TJP1: variants seen among roughly 807,000 people sequenced by gnomAD.
TJP1 encodes tight junction protein 1.
Under a neutral mutation model 194.2 loss-of-function variants are expected in TJP1, and 43 were observed. The ratio of observed to expected loss-of-function variants is 0.22; its 90% CI spans 0.17 to 0.29. TJP1 has a LOEUF of 0.29. Ranked by LOEUF, TJP1 falls within the 10% of genes least tolerant of loss-of-function variation. The pLI is 1.00. For missense variants in TJP1, 1,971 were observed against 2,185.7 expected (o/e 0.90, Z 1.96); for synonymous variants, 801 against 779.0 (o/e 1.03, Z -0.47).
intron 1 of TJP1, among the ~76,000 whole-genome samples, chr15:29,815,360 A>T (rs1003211329): frequency 6.6e-5 from 10 of 152,254 alleles, no homozygotes; most frequent in Non-Finnish European, 1.2e-4. Flanking sequence ...TGTTAAAGTA[A>T]AAAGGTTTTT....
chr15:29,704,141 G>C, intron 27 of TJP1, 21 bp downstream of exon 27: 1 of 1,549,896 alleles, frequency 6.5e-7, no homozygotes, highest in East Asian at 2.4e-5. Flanking sequence ...GCTCCCAAAG[G>C]ACAGAGTGAA....
At chr15:29,914,998 G>T (rs982336634) in intron 2 of TJP1, among the ~76,000 whole-genome samples, 5 of 152,074 alleles carry the variant, frequency 3.3e-5, no homozygotes, top group Admixed American at 3.3e-4. Flanking sequence ...ACAAATGACT[G>T]CAAAAAAACT....
At chr15:29,902,199 A>G (rs1415812857) in intron 2 of TJP1, among the ~76,000 whole-genome samples, 2 of 152,172 alleles carry the variant, frequency 1.3e-5, no homozygotes, top group East Asian at 1.9e-4. Context: ...GGAAAATTAA[A>G]AACTAACAGA....
At chr15:29,721,297 A>G (rs2042914356) in intron 18 of TJP1, among the ~76,000 whole-genome samples, 1 of 152,084 alleles carries the variant, frequency 6.6e-6, no homozygotes. Flanking sequence ...GGTGGTTTCT[A>G]ATGGTTTAGC....
At chr15:29,776,976 T>C (rs1429429858) in intron 2 of TJP1, among the ~76,000 whole-genome samples, 1 of 152,168 alleles carries the variant, frequency 6.6e-6, no homozygotes, top group African/African-American at 2.4e-5. Context: ...TGGATAACCA[T>C]ACATTCCTTC....
chr15:29,948,260 CAAA>C (rs35983966), intron 2 of TJP1, among the ~76,000 whole-genome samples: 14 of 95,294 alleles, frequency 1.5e-4, no homozygotes, highest in East Asian at 2.6e-4. Context: ...CACTCCATCA[CAAA>C]AAAAAAAAAA....
intron 1 of TJP1, chr15:29,820,650 T>C (rs2050270155): frequency 4.3e-6 from 3 of 697,374 alleles, no homozygotes; most frequent in South Asian, 3.1e-5. Flanking sequence ...ACATTCTGTG[T>C]AATACGGAAA....
chr15:29,966,094 T>C lies in TJP1; in HGVS notation c.173+2573A>G, dbSNP rs571003107. On this transcript the variant is annotated intron_variant, in intron 1 of 28. Coordinates refer to the TJP1 transcript ENST00000356107. ...GAAATTCTGTGTTTAGAGAATGTGT[T>C]TTCAGAAGCAGAACCCCAATGATGG... is the stretch of plus-strand genomic sequence containing the variant. Among the ~76,000 whole-genome samples, 264 of 152,338 alleles carry C rather than the reference T, an allele frequency of 1.7e-3. 3 individuals carry two copies. Among genetic ancestry groups the C allele is most frequent in the Non-Finnish European group, 2.5e-3 (172 of 68,038 alleles).
At chr15:29,802,727 C>A (rs374226267) in intron 1 of TJP1, among the ~76,000 whole-genome samples, 1 of 152,248 alleles carries the variant, frequency 6.6e-6, no homozygotes, top group South Asian at 2.1e-4. Context: ...GCCAGTTTGT[C>A]CAATCTCAGC....
intron 2 of TJP1, among the ~76,000 whole-genome samples, chr15:29,874,684 T>A (rs755982225): frequency 5.3e-5 from 8 of 152,174 alleles, no homozygotes; most frequent in African/African-American, 7.2e-5. Flanking sequence ...TTTAAAAAAA[T>A]TTAGAAATTT....
At position 29,916,240 on chromosome 15, in the gene TJP1, C is replaced by CAAA. The variant is rs199907379; in HGVS notation, c.306+39989_306+39991dup. On this transcript the variant is annotated intron_variant, in intron 2 of 28. Transcript: ENST00000356107. ...GTGCGACAAGAGCAAGACTCTGTCT[C>CAAA]AAAAAAAAAAAAAAAAAAAGATCAT... 6.3e-3 allele frequency among the ~76,000 whole-genome samples: 607 copies of CAAA among 96,546 alleles called. 9 individuals are homozygous for CAAA. Among genetic ancestry groups the CAAA allele is most frequent in the African/African-American group, 0.018 (578 of 31,586 alleles). 63.3% of individuals were successfully genotyped at this position (96,546 alleles called of 152,430 possible). A position where few individuals can be genotyped will look rare whatever the true frequency, so the allele number is the denominator to read the frequency against.
intron 2 of TJP1, among the ~76,000 whole-genome samples, chr15:29,837,867 C>G (rs1342650815): frequency 6.6e-6 from 1 of 152,152 alleles, no homozygotes; most frequent in East Asian, 1.9e-4. Flanking sequence ...CTCAAGCGCA[C>G]AATACACTGA....
chr15:29,732,846 G>T, intron 13 of TJP1, 31 bp from the exon 14 acceptor site: 1 of 1,544,634 alleles, frequency 6.5e-7, no homozygotes, highest in Non-Finnish European at 8.7e-7. Flanking sequence ...TTAAAATAAG[G>T]GCATTTAAAA....
At chr15:29,949,402 C>T (rs1477394154) in intron 2 of TJP1, among the ~76,000 whole-genome samples, 9 of 139,276 alleles carry the variant, frequency 6.5e-5, no homozygotes, top group Non-Finnish European at 1.4e-4. Context: ...CCACCACCTC[C>T]ACAACCACCA....
chr15:29,949,670 A>G (rs1466646229), intron 2 of TJP1, among the ~76,000 whole-genome samples: 22 of 90,430 alleles, frequency 2.4e-4, no homozygotes, highest in African/African-American at 7.5e-4. Flanking sequence ...CTCCACAACC[A>G]CCACCTCCAC....
At chr15:29,779,611 C>T (rs1392821599) in intron 2 of TJP1, among the ~76,000 whole-genome samples, 2 of 152,156 alleles carry the variant, frequency 1.3e-5, no homozygotes, top group Non-Finnish European at 2.9e-5. Flanking sequence ...AAGTGGTTCA[C>T]GAAGTTAGTG....
intron 2 of TJP1, among the ~76,000 whole-genome samples, chr15:29,920,913 G>C (rs1054185108): frequency 6.6e-6 from 1 of 152,170 alleles, no homozygotes; most frequent in South Asian, 2.1e-4. Context: ...GCATTCCTGC[G>C]TGAGGGAAAC....
At chr15:29,913,170 C>T (rs1596245265) in intron 2 of TJP1, among the ~76,000 whole-genome samples, 1 of 150,890 alleles carries the variant, frequency 6.6e-6, no homozygotes, top group Admixed American at 6.6e-5. Flanking sequence ...GTAGATAGTT[C>T]ATGAAAGCAG....
chr15:29,844,061 T>G (rs2051323231), intron 2 of TJP1, among the ~76,000 whole-genome samples: 1 of 152,120 alleles, frequency 6.6e-6, no homozygotes, highest in African/African-American at 2.4e-5. Context: ...GTGTGTTGTT[T>G]TGAAACAGAG....
Sources: gnomAD v4.1 joint callset for allele counts (sites outside exome capture counted in the v4.1 genomes callset) on GRCh38, gnomAD v4.1.1 for gene constraint, MANE v1.5 for transcripts, NCBI Gene and HGNC (gene_info 2026-07-23, HGNC 2026-07-21) for gene names.